The following CNGB1 variants were observed in gnomAD, a reference collection of about 807,000 sequenced individuals.
CNGB1 encodes the protein cyclic nucleotide gated channel subunit beta 1.
CNGB1 carries 126 observed loss-of-function variants against 151.7 expected under a neutral mutation model. The ratio of observed to expected loss-of-function variants is 0.83; its 90% CI spans 0.72 to 0.96. CNGB1 has a LOEUF of 0.96. Among genes scored for constraint, CNGB1 ranks in the 40% least tolerant of loss-of-function variants. The pLI is 0.00. For missense variants in CNGB1, 1,698 were observed against 1,627.0 expected, an observed-to-expected ratio of 1.04 and a Z score of -0.75; for synonymous variants, 623 against 635.1, an observed-to-expected ratio of 0.98 and a Z score of 0.29.
At chr16:57,943,986 C>G (rs1458556476) in intron 14 of CNGB1, among the ~76,000 whole-genome samples, 1 of 151,778 alleles carries the variant, frequency 6.6e-6, no homozygotes, top group Non-Finnish European at 1.5e-5. Flanking sequence ...CTCCCGAGTT[C>G]AAGTGAGTCT....
intron 4 of CNGB1, among the ~76,000 whole-genome samples, chr16:57,963,465 C>T (rs1962312619): frequency 6.6e-6 from 1 of 152,206 alleles, no homozygotes; most frequent in South Asian, 2.1e-4. Flanking sequence ...GCTCTGAGCA[C>T]ACATCGTGCT....
At chr16:57,885,268 A>G (rs1292309182) in intron 32 of CNGB1, among the ~76,000 whole-genome samples, 2 of 152,186 alleles carry the variant, frequency 1.3e-5, no homozygotes, top group African/African-American at 4.8e-5. Context: ...GTGAGTTTCA[A>G]GTGAGAGCAG....
intron 12 of CNGB1, among the ~76,000 whole-genome samples, chr16:57,953,629 G>C (rs1044812226): frequency 2.0e-5 from 3 of 151,920 alleles, no homozygotes; most frequent in Non-Finnish European, 2.9e-5. Flanking sequence ...CTCTGTCAAA[G>C]CCTGAGCCCT....
chr16:57,963,450 G>C (rs1962312297), intron 4 of CNGB1, among the ~76,000 whole-genome samples: 1 of 152,216 alleles, frequency 6.6e-6, no homozygotes. Flanking sequence ...GCCTCCTGCT[G>C]TCCTGCTCTG....
Position 57,903,985 on chromosome 16 carries a change from G to T in CNGB1, c.2635-4C>A, listed in dbSNP as rs1295073111. On this transcript the variant is annotated splice_polypyrimidine_tract_variant and splice_region_variant and intron_variant, in intron 26 of 32. Transcript: ENST00000251102. Reference sequence around the variant, plus strand: ...CGGCCCCTACCACATCTCTCATCTGGGGGAAGGGTTATGGGAGGTCAAGGA... The same window carrying T: ...CGGCCCCTACCACATCTCTCATCTGTGGGAAGGGTTATGGGAGGTCAAGGA... 4 of 1,613,388 alleles carry T rather than the reference G, an allele frequency of 2.5e-6. No individual in the cohort carries two copies. Among genetic ancestry groups the T allele is most frequent in the Non-Finnish European group, 3.4e-6 (4 of 1,179,826 alleles).
chr16:57,931,561 A>C (rs978653892), intron 17 of CNGB1, among the ~76,000 whole-genome samples, 155 bp downstream of exon 17: 1 of 152,178 alleles, frequency 6.6e-6, no homozygotes, highest in Admixed American at 6.5e-5. Flanking sequence ...AGGAGTTAGG[A>C]AAACGAGGAA....
In CNGB1 at chr16:57,901,564, C is replaced by CCT; in HGVS notation, c.2855_2856insAG (p.Asn953GlyfsTer19). ...CGACTTTGCTAACGATGTTGTAGTTCACGTCGATGGCGAGGTCCAGCCGCA... is the reference window on the plus strand; with the variant it reads ...CGACTTTGCTAACGATGTTGTAGTTCCTACGTCGATGGCGAGGTCCAGCCGCA... On this transcript the variant is annotated frameshift_variant, in exon 28 of 33. Coordinates refer to ENST00000251102, the MANE Select transcript of CNGB1 (RefSeq NM_001297.5). LOFTEE classifies it high-confidence loss of function. 1 of 1,614,160 alleles carries CCT rather than the reference C, an allele frequency of 6.2e-7. No individual in the cohort carries two copies. The highest frequency in any genetic ancestry group is 8.5e-7 in the Non-Finnish European group (1 of 1,180,044).
rs1263782086 is a variant in CNGB1, at chr16:57,883,918, G to C, written c.*246C>G. The C allele has an allele frequency of 3.3e-6, 2 of 597,066 alleles. No individual in the cohort carries two copies. Among genetic ancestry groups the C allele is most frequent in the East Asian group, 2.8e-5 (1 of 35,632 alleles). The allele number at this position is 597,066 out of a possible 1,614,324, so 37.0% of individuals were successfully genotyped here. On this transcript the variant is annotated 3_prime_UTR_variant, in exon 33 of 33. Transcript: ENST00000251102. ...TCAGGAAAAGGTAGGGCTCTCAAAT[G>C]ATAGTGAGAGCTCAGGGACTCGAAC...
intron 13 of CNGB1, among the ~76,000 whole-genome samples, chr16:57,949,742 C>T (rs1395800217): frequency 6.6e-6 from 1 of 152,174 alleles, no homozygotes; most frequent in Non-Finnish European, 1.5e-5. Flanking sequence ...CTTCAGAACC[C>T]GAGACCTCCC....
intron 19 of CNGB1, among the ~76,000 whole-genome samples, chr16:57,919,889 G>A (rs544964647): frequency 2.0e-5 from 3 of 152,226 alleles, no homozygotes; most frequent in Admixed American, 2.0e-4. Flanking sequence ...CCAAGATACA[G>A]CCTTCCTCTG....
intron 17 of CNGB1, among the ~76,000 whole-genome samples, chr16:57,925,333 C>T (rs772895739): frequency 7.2e-5 from 11 of 152,116 alleles, no homozygotes; most frequent in Middle Eastern, 3.2e-3. Context: ...TACCCAGTCT[C>T]GGGTATTTCT....
Position 57,919,123 on chromosome 16 carries a change from G to A in CNGB1, c.1933C>T (p.Pro645Ser). Reference sequence around the variant, plus strand: ...CTGGTCAGCGGGTCAATGCTCTGGGGAAACTGGTACTTCTTCCAGGGGCGG... The same window carrying A: ...CTGGTCAGCGGGTCAATGCTCTGGGAAAACTGGTACTTCTTCCAGGGGCGG... The part of the protein sequence containing the change: ...KHRPWKKYQF[P>S]QSIDPLTNLM... Residue 645 changes from proline to serine, a missense_variant, in exon 20 of 33, where the codon CCC (proline) becomes TCC (serine). By Grantham distance (74) the Pro-to-Ser change is moderately conservative. Coordinates refer to ENST00000251102, the MANE Select transcript of CNGB1 (RefSeq NM_001297.5). 6.2e-7 allele frequency: 1 copy of A among 1,614,186 alleles called. No individual in the cohort carries two copies. The highest frequency in any genetic ancestry group is 8.5e-7 in the Non-Finnish European group (1 of 1,180,052).
intron 4 of CNGB1, among the ~76,000 whole-genome samples, chr16:57,963,638 G>A (rs748407860): frequency 1.4e-4 from 22 of 152,134 alleles, no homozygotes; most frequent in Non-Finnish European, 4.4e-5. Context: ...GAGATTCCAT[G>A]CAAAAGCCTG....
rs1446434361 is a variant in CNGB1, at chr16:57,959,900, C to T, written c.749G>A (p.Arg250Lys). 12 of 1,547,288 alleles carry T rather than the reference C, an allele frequency of 7.8e-6. No homozygotes were observed. Among genetic ancestry groups the T allele is most frequent in the Non-Finnish European group, 9.6e-6 (11 of 1,145,944 alleles). Residue 250 changes from arginine to lysine, a missense_variant, in exon 10 of 33, where the codon AGG becomes AAG. By Grantham distance (26) the Arg-to-Lys change is conservative. Transcript: ENST00000251102. ...GAGGGTGGCTCACCTGGCAGGGTCCCTGGTTGGTGGCAGGGAGGAGGTCTG... is the reference window on the plus strand; with the variant it reads ...GAGGGTGGCTCACCTGGCAGGGTCCTTGGTTGGTGGCAGGGAGGAGGTCTG... Reference protein sequence around the residue: ...QAQTSSLPPTRDPARLVAWVL... With the variant: ...QAQTSSLPPTKDPARLVAWVL...
intron 25 of CNGB1, among the ~76,000 whole-genome samples, chr16:57,909,160 C>T (rs550659879): frequency 3.3e-5 from 5 of 152,176 alleles, no homozygotes; most frequent in South Asian, 2.1e-4. Context: ...CCCAGCTACT[C>T]GGGAGACTGA....
chr16:57,927,847 T>C (rs1199858211), intron 17 of CNGB1, among the ~76,000 whole-genome samples: 1 of 152,220 alleles, frequency 6.6e-6, no homozygotes, highest in Non-Finnish European at 1.5e-5. Context: ...GATCCCCTAA[T>C]GGGCTTTGTA....
intron 20 of CNGB1, among the ~76,000 whole-genome samples, chr16:57,918,897 G>A (rs751053124): frequency 7.2e-5 from 11 of 152,254 alleles, no homozygotes; most frequent in South Asian, 4.1e-4. Flanking sequence ...GCAGGGTTTC[G>A]TCATGTTAGC....
At chr16:57,899,643 T>TAAACAAAC (rs60648950) in intron 29 of CNGB1, among the ~76,000 whole-genome samples, 20 of 151,814 alleles carry the variant, frequency 1.3e-4, no homozygotes, top group Middle Eastern at 3.4e-3. Context: ...TGGTCTCAAA[T>TAAACAAAC]AAACAAACAA....
intron 27 of CNGB1, 44 bp from the exon 28 acceptor site, chr16:57,901,669 C>A: frequency 6.5e-7 from 1 of 1,534,160 alleles, no homozygotes; most frequent in Non-Finnish European, 9.0e-7. Flanking sequence ...GGCCGGGCCC[C>A]ACCCCAGACA....
Sources: allele counts gnomAD v4.1 joint callset (sites outside exome capture counted in the v4.1 genomes callset), GRCh38; gene constraint gnomAD v4.1.1; transcripts MANE v1.5; gene names NCBI Gene and HGNC (gene_info 2026-07-23, HGNC 2026-07-21).